Variants in DCLK1 observed in about 807,000 individuals in gnomAD.
DCLK1 encodes the protein serine/threonine-protein kinase DCLK1.
Under a neutral mutation model 86.2 loss-of-function variants are expected in DCLK1, and 16 were observed. The observed-to-expected ratio is 0.19, with a 90% CI of 0.13 to 0.28. DCLK1 has a LOEUF of 0.28. Among genes scored for constraint, DCLK1 ranks in the 10% least tolerant of loss-of-function variants. The probability of loss-of-function intolerance (pLI) is 1.00; values close to 1 mark genes in which losing one functional copy is unlikely to be tolerated. For missense variants in DCLK1, 590 were observed against 940.2 expected, an observed-to-expected ratio of 0.63 and a Z score of 4.87; for synonymous variants, 369 against 370.5, an observed-to-expected ratio of 1.00 and a Z score of 0.05.
At chr13:35,956,517 A>G (rs544679995) in intron 3 of DCLK1, among the ~76,000 whole-genome samples, 1 of 151,414 alleles carries the variant, frequency 6.6e-6, no homozygotes, top group African/African-American at 2.4e-5. Context: ...TAAGGGGTAA[A>G]ATGTGGCACT....
chr13:35,882,444 T>C (rs1366259396), intron 4 of DCLK1, among the ~76,000 whole-genome samples: 1 of 152,244 alleles, frequency 6.6e-6, no homozygotes, highest in Non-Finnish European at 1.5e-5. Context: ...CTACAATATG[T>C]ATGACATCAC....
chr13:35,793,763 C>G (rs1255616431), intron 15 of DCLK1, among the ~76,000 whole-genome samples: 2 of 152,074 alleles, frequency 1.3e-5, no homozygotes, highest in Non-Finnish European at 2.9e-5. Context: ...CTAATAAAAT[C>G]TATTCCAACC....
At chr13:35,864,940 C>T (rs1409453994) in intron 5 of DCLK1, among the ~76,000 whole-genome samples, 5 of 152,178 alleles carry the variant, frequency 3.3e-5, no homozygotes, top group African/African-American at 1.2e-4. Context: ...GTATAAGCCA[C>T]CATGCCTGGC....
intron 3 of DCLK1, among the ~76,000 whole-genome samples, chr13:35,960,616 G>T (rs898354700): frequency 6.6e-6 from 1 of 152,012 alleles, no homozygotes; most frequent in Non-Finnish European, 1.5e-5. Flanking sequence ...CACCACTACA[G>T]CTGGCTAATT....
Position 35,914,350 on chromosome 13 carries a change from C to CGTGT in DCLK1, c.823+33007_823+33008insACAC, listed in dbSNP as rs1566600250. On this transcript the variant is annotated intron_variant, in intron 4 of 16. Transcript: ENST00000360631. ...AAAAAAAAATATATATATATATATA[C>CGTGT]ATATATATATATATATATGTATATA... Among the ~76,000 whole-genome samples the CGTGT allele has an allele frequency of 1.7e-3, 157 of 94,164 alleles. 2 individuals are homozygous for CGTGT. The highest frequency in any genetic ancestry group is 7.3e-3 in the African/African-American group (150 of 20,508). 61.8% of individuals were successfully genotyped at this position (94,164 alleles called of 152,430 possible). A position where few individuals can be genotyped will look rare whatever the true frequency, so the allele number is the denominator to read the frequency against.
At chr13:35,945,912 T>C (rs1877356668) in intron 4 of DCLK1, among the ~76,000 whole-genome samples, 1 of 152,194 alleles carries the variant, frequency 6.6e-6, no homozygotes, top group Non-Finnish European at 1.5e-5. Context: ...TGAACCAAAA[T>C]AAATCTCTTC....
intron 4 of DCLK1, among the ~76,000 whole-genome samples, chr13:35,892,777 T>A (rs1750905): frequency 0.99 from 150,942 of 152,278 alleles, 74,827 homozygotes; most frequent in Middle Eastern, 1. Context: ...CCTGTTCCCT[T>A]TATGTAACAT....
chr13:35,805,017 C>G (rs114143853), intron 15 of DCLK1, among the ~76,000 whole-genome samples: 1 of 152,228 alleles, frequency 6.6e-6, no homozygotes, highest in South Asian at 2.1e-4. Context: ...AGGTTTATGT[C>G]GAAACCCTTA....
rs563885224 is a variant in DCLK1 at position 35,917,395 on chromosome 13, G to A, written c.823+29963C>T. ...TTGTTCGGTTTTGTTTGCTATTGTC[G>A]GGCCCTCAAATAGCATTTCCTGTGG... is the stretch of plus-strand genomic sequence containing the variant. On this transcript the variant is annotated intron_variant, in intron 4 of 16. Transcript: ENST00000360631. Among the ~76,000 whole-genome samples the A allele has an allele frequency of 2.0e-5, 3 of 152,060 alleles. No homozygotes were observed. The East Asian group carries it at 5.8e-4, about 30-fold the overall frequency.
chr13:36,001,267 A>G (rs936077623), intron 3 of DCLK1, among the ~76,000 whole-genome samples: 1 of 152,178 alleles, frequency 6.6e-6, no homozygotes, highest in East Asian at 1.9e-4. Flanking sequence ...ATTCTTTAGG[A>G]GCAGTAACAA....
chr13:35,799,455 T>C (rs976892105), intron 15 of DCLK1, among the ~76,000 whole-genome samples: 18 of 152,202 alleles, frequency 1.2e-4, no homozygotes, highest in African/African-American at 4.3e-4. Flanking sequence ...TTCTCCATGT[T>C]GGCCAGGCTG....
intron 3 of DCLK1, among the ~76,000 whole-genome samples, chr13:36,040,567 T>C (rs1180955442): frequency 1.3e-5 from 2 of 151,638 alleles, no homozygotes; most frequent in Non-Finnish European, 2.9e-5. Flanking sequence ...CCTGGCTGAG[T>C]AGTGTTGACA....
At chr13:35,941,889 C>T (rs544879871) in intron 4 of DCLK1, among the ~76,000 whole-genome samples, 116 of 152,266 alleles carry the variant, frequency 7.6e-4, no homozygotes, top group Non-Finnish European at 1.3e-3. Context: ...TATCACATAA[C>T]ATCTCATACT....
At chr13:35,960,655 T>C (rs781665850) in intron 3 of DCLK1, among the ~76,000 whole-genome samples, 7 of 152,230 alleles carry the variant, frequency 4.6e-5, no homozygotes, top group South Asian at 4.1e-4. Flanking sequence ...GGGGTCTCAC[T>C]ATGTTGCCCA....
In DCLK1 at chr13:35,772,889, A is replaced by T. The variant is rs1187242437; in HGVS notation, c.*1646T>A. 2.0e-5 allele frequency: 3 copies of T among 152,200 alleles called. No homozygotes were observed. Among genetic ancestry groups the T allele is most frequent in the African/African-American group, 7.2e-5 (3 of 41,450 alleles). The allele number at this position is 152,200 out of a possible 1,614,324, so 9.4% of individuals were successfully genotyped here. On this transcript the variant is annotated 3_prime_UTR_variant, in exon 17 of 17. Transcript: ENST00000360631. ...ATCAATGTGCATTTGAAAATAAAGG[A>T]CTATAGAAACGTTGTTCACAAATTT...
chr13:35,950,771 T>C (rs995729777), intron 3 of DCLK1, among the ~76,000 whole-genome samples: 17 of 152,124 alleles, frequency 1.1e-4, no homozygotes, highest in Admixed American at 1.3e-4. Flanking sequence ...TCCAAGCTTT[T>C]CTGTTCCACC....
At chr13:35,847,039 G>T in intron 6 of DCLK1, 1 of 984,946 alleles carries the variant, frequency 1.0e-6, no homozygotes, top group Non-Finnish European at 1.2e-6. Flanking sequence ...CATTTTTTTA[G>T]AGTATAGTGA....
intron 2 of DCLK1, among the ~76,000 whole-genome samples, chr13:36,124,322 T>C (rs1048027996): frequency 6.6e-6 from 1 of 152,200 alleles, no homozygotes; most frequent in African/African-American, 2.4e-5. Flanking sequence ...TCTCCTTTAA[T>C]TTACTGGAAG....
intron 4 of DCLK1, among the ~76,000 whole-genome samples, chr13:35,886,831 T>C (rs1029667229): frequency 1.3e-5 from 2 of 152,196 alleles, no homozygotes; most frequent in Non-Finnish European, 2.9e-5. Flanking sequence ...CACTTAAAGA[T>C]TAAATAGGAT....
Sources: gnomAD v4.1 joint callset for allele counts (sites outside exome capture counted in the v4.1 genomes callset) on GRCh38, gnomAD v4.1.1 for gene constraint, MANE v1.5 for transcripts, NCBI Gene and HGNC (gene_info 2026-07-23, HGNC 2026-07-21) for gene names.